NALCN: variants seen among roughly 807,000 people sequenced by gnomAD.
NALCN encodes the protein sodium leak channel NALCN.
In NALCN, 111 loss-of-function variants were observed where a neutral mutation model predicts 225.3. That is an observed-to-expected ratio of 0.49 (90% CI 0.42 to 0.58). NALCN has a LOEUF of 0.58. Among genes scored for constraint, NALCN ranks in the 20% least tolerant of loss-of-function variants. The pLI, the probability that NALCN is intolerant of heterozygous loss-of-function variation, is 0.00. For synonymous variants in NALCN, 764 were observed against 769.0 expected, an observed-to-expected ratio of 0.99 and a Z score of 0.11; for missense variants, 1,378 against 2,202.4, an observed-to-expected ratio of 0.63 and a Z score of 7.49.
chr13:101,340,557 A>G (rs2045526487), intron 7 of NALCN, among the ~76,000 whole-genome samples: 1 of 152,170 alleles, frequency 6.6e-6, no homozygotes, highest in Non-Finnish European at 1.5e-5. Flanking sequence ...TGCTCTTTAC[A>G]TTAACTGTAT....
At chr13:101,414,050 G>A in intron 1 of NALCN, among the ~76,000 whole-genome samples, 1 of 89,294 alleles carries the variant, frequency 1.1e-5, no homozygotes, top group Non-Finnish European at 2.1e-5. Flanking sequence ...TACACTTGGT[G>A]AATTTTTTTT....
At chr13:101,305,526 A>G (rs572017733) in intron 7 of NALCN, among the ~76,000 whole-genome samples, 2 of 152,320 alleles carry the variant, frequency 1.3e-5, no homozygotes, top group Admixed American at 6.5e-5. Context: ...GTTTTGACCT[A>G]GAATTCACAA....
At chr13:101,145,039 T>C in intron 15 of NALCN, 143 bp from the exon 16 acceptor site, 2 of 794,936 alleles carry the variant, frequency 2.5e-6, no homozygotes, top group South Asian at 4.1e-5. Flanking sequence ...CAAGTATACC[T>C]CTCTTGCCCG....
chr13:101,279,939 AG>A (rs887328948), intron 10 of NALCN, among the ~76,000 whole-genome samples: 48 of 152,038 alleles, frequency 3.2e-4, no homozygotes, highest in Non-Finnish European at 6.0e-4. Flanking sequence ...AGTCCAAGCC[AG>A]GGAGTGGAAG....
At chr13:101,168,071 G>C (rs1391400003) in intron 15 of NALCN, among the ~76,000 whole-genome samples, 1 of 152,050 alleles carries the variant, frequency 6.6e-6, no homozygotes. Flanking sequence ...CGTTGAACAA[G>C]GATCTCTCTT....
In NALCN at chr13:101,104,345, T is replaced by A. The variant is rs373859316; in HGVS notation, c.2839A>T (p.Thr947Ser). 1.2e-6 allele frequency: 2 copies of A among 1,613,820 alleles called. No individual in the cohort carries two copies. The highest frequency in any genetic ancestry group is 2.2e-5 in the East Asian group (1 of 44,872). The change falls in exon 25 of 44, where the codon ACT (threonine) becomes TCT (serine). Residue 947 changes from threonine (T) to serine (S), a missense_variant. Thr to Ser is a moderately conservative substitution (Grantham distance 58). This residue lies in a region of NALCN where 292 missense variants were observed against 409.5 expected (regional missense o/e 0.71). Coordinates refer to ENST00000251127, the MANE Select transcript of NALCN (RefSeq NM_052867.4). This position sits in a 1 kb window ranked among gnomAD's most constrained non-coding sequence, Gnocchi z 4.2. ...CCACCGAAGTCCCTGATGACAGCAG[T>A]TGGAGTGAAAAATAAGCCATCTGCC... ...IMADGLFFTP[T>S]AVIRDFGGVM... is the part of the protein sequence containing the mutation.
chr13:101,193,433 G>C (rs1462766404), intron 13 of NALCN, among the ~76,000 whole-genome samples: 1 of 152,050 alleles, frequency 6.6e-6, no homozygotes, highest in African/African-American at 2.4e-5. Flanking sequence ...GGACCTATTT[G>C]AAAAAGGAGC....
chr13:101,124,561 A>G lies in NALCN; in HGVS notation c.2192+47T>C, dbSNP rs767495434. ...TTCAAAAAGCTATTTTTCGATTAAT[A>G]TAATCCCACTTGTGTTTAAATATGT... On this transcript the variant is annotated intron_variant, in intron 18 of 43. Coordinates refer to ENST00000251127, the MANE Select transcript of NALCN (RefSeq NM_052867.4). The G allele has an allele frequency of 2.0e-6, 3 of 1,507,002 alleles. No homozygotes were observed. The South Asian group carries it at 3.5e-5, about 18-fold the overall frequency. The allele number at this position is 1,507,002 out of a possible 1,614,324, so 93.4% of individuals were successfully genotyped here.
At chr13:101,127,255 T>C (rs1163113380) in intron 17 of NALCN, among the ~76,000 whole-genome samples, 3 of 152,232 alleles carry the variant, frequency 2.0e-5, no homozygotes, top group African/African-American at 4.8e-5. Flanking sequence ...TATTAATTCA[T>C]ACAGGAGAGT....
chr13:101,321,259 C>A (rs514434), intron 7 of NALCN, among the ~76,000 whole-genome samples: 50,330 of 151,866 alleles, frequency 0.33, 8,773 homozygotes, highest in Non-Finnish European at 0.4. Context: ...GAAAAAGACA[C>A]ACACACAAGT....
intron 10 of NALCN, among the ~76,000 whole-genome samples, chr13:101,278,759 C>T (rs2043049367): frequency 6.6e-6 from 1 of 152,168 alleles, no homozygotes; most frequent in African/African-American, 2.4e-5. Context: ...GTCCTACAAC[C>T]TCTGCGAGGC....
chr13:101,193,836 C>T (rs2039782048), intron 13 of NALCN, among the ~76,000 whole-genome samples: 1 of 151,912 alleles, frequency 6.6e-6, no homozygotes, highest in East Asian at 1.9e-4. Flanking sequence ...AACACGAATT[C>T]CAAAGATGAT....
intron 2 of NALCN, among the ~76,000 whole-genome samples, chr13:101,396,196 A>G (rs2047287711): frequency 6.6e-6 from 1 of 152,144 alleles, no homozygotes; most frequent in African/African-American, 2.4e-5. Flanking sequence ...GTGTGTTAAC[A>G]TGAATATATA....
At chr13:101,391,857 G>A (rs1263908052) in intron 3 of NALCN, among the ~76,000 whole-genome samples, 2 of 150,182 alleles carry the variant, frequency 1.3e-5, no homozygotes, top group East Asian at 1.9e-4. Flanking sequence ...GGTGGCACAC[G>A]CTTGTAGTCC....
At chr13:101,127,842 T>C (rs1187646379) in intron 17 of NALCN, among the ~76,000 whole-genome samples, 2 of 152,234 alleles carry the variant, frequency 1.3e-5, no homozygotes, top group African/African-American at 4.8e-5. Context: ...TTCCCTTCTT[T>C]TTTCTTACTT....
intron 27 of NALCN, 53 bp from the exon 28 acceptor site, chr13:101,095,733 G>C: frequency 7.0e-7 from 1 of 1,419,148 alleles, no homozygotes; most frequent in East Asian, 2.3e-5. Context: ...AATGAACTCA[G>C]AAAAGATAAA....
At position 101,182,835 on chromosome 13, in the gene NALCN, T is replaced by C. The variant is rs550675721; in HGVS notation, c.1765-6461A>G. 2.4e-3 allele frequency among the ~76,000 whole-genome samples: 365 copies of C among 151,866 alleles called. 3 individuals carry two copies. The highest frequency in any genetic ancestry group is 8.5e-3 in the African/African-American group (349 of 41,124). On this transcript the variant is annotated intron_variant, in intron 14 of 43. Transcript: ENST00000251127. ...GATTGCCAGGAGGTGAGAATGACTT[T>C]GCGGTTCTTTTCTCACAGACTCTAA...
intron 7 of NALCN, among the ~76,000 whole-genome samples, chr13:101,326,916 A>G (rs2044973910): frequency 6.6e-6 from 1 of 152,182 alleles, no homozygotes. Flanking sequence ...TTTCTAGGCT[A>G]GACTGGGCTT....
At chr13:101,240,817 A>T (rs1333757) in intron 11 of NALCN, among the ~76,000 whole-genome samples, 80,314 of 151,940 alleles carry the variant, frequency 0.53, 21,367 homozygotes, top group Non-Finnish European at 0.54. Flanking sequence ...ATGAAATATA[A>T]CACAAAAGCT....
Sources: allele counts gnomAD v4.1 joint callset (sites outside exome capture counted in the v4.1 genomes callset), GRCh38; gene constraint gnomAD v4.1.1; regional missense constraint gnomAD v4.1.1; non-coding constraint Gnocchi (gnomAD v3.1); transcripts MANE v1.5; gene names NCBI Gene and HGNC (gene_info 2026-07-23, HGNC 2026-07-21).